Variants in SLC6A19 observed in about 807,000 individuals in gnomAD.
SLC6A19 encodes the protein solute carrier family 6 member 19, also known as sodium-dependent neutral amino acid transporter B(0)AT1.
A neutral mutation model predicts 68.3 loss-of-function variants in SLC6A19; 67 were observed. The ratio of observed to expected loss-of-function variants is 0.98; its 90% CI spans 0.81 to 1.20. SLC6A19 has a LOEUF of 1.20. Among genes scored for constraint, SLC6A19 ranks in the 50% most tolerant of loss-of-function variants. The pLI, the probability that SLC6A19 is intolerant of heterozygous loss-of-function variation, is 0.00. For missense variants in SLC6A19, 813 were observed against 851.6 expected (o/e 0.95, Z 0.56); for synonymous variants, 392 against 374.9 (o/e 1.05, Z -0.53).
At chr5:1,205,305 G>A (rs1745823248) in intron 1 of SLC6A19, among the ~76,000 whole-genome samples, 1 of 152,258 alleles carries the variant, frequency 6.6e-6, no homozygotes, top group African/African-American at 2.4e-5. Context: ...TTCATATTCT[G>A]GTGGCTTTAA....
intron 10 of SLC6A19, among the ~76,000 whole-genome samples, chr5:1,220,725 C>T (rs186631422): frequency 2.0e-5 from 3 of 152,270 alleles, no homozygotes; most frequent in East Asian, 1.9e-4. Flanking sequence ...AACTCCTTTG[C>T]GCAGAAGAGG....
At chr5:1,204,833 C>T (rs1397123376) in intron 1 of SLC6A19, among the ~76,000 whole-genome samples, 2 of 152,228 alleles carry the variant, frequency 1.3e-5, no homozygotes, top group Non-Finnish European at 2.9e-5. Context: ...GTCAGCTTTC[C>T]CCTTAGTCCA....
chr5:1,202,537 G>T (rs1302599060), intron 1 of SLC6A19, among the ~76,000 whole-genome samples: 1 of 152,226 alleles, frequency 6.6e-6, no homozygotes, highest in African/African-American at 2.4e-5. Flanking sequence ...CTGGCAGGGG[G>T]CTGTACCTAG....
At position 1,214,615 on chromosome 5, in the gene SLC6A19, G is replaced by C. The variant is rs1746153397; in HGVS notation, c.887+550G>C. On this transcript the variant is annotated intron_variant, in intron 6 of 11. Transcript: ENST00000304460. This position sits in a 1 kb window ranked among gnomAD's most constrained non-coding sequence, Gnocchi z 7.4. ...AAGCACCTACTATGTGCCCGACCTG[G>C]TGCATCAGGACCTGCCCTCAGTGAC... Among the ~76,000 whole-genome samples the C allele has an allele frequency of 6.6e-6, 1 of 152,148 alleles. No homozygotes were observed. Among genetic ancestry groups the C allele is most frequent in the Non-Finnish European group, 1.5e-5 (1 of 68,020 alleles).
chr5:1,220,292 C>A (rs1167429430), intron 10 of SLC6A19, among the ~76,000 whole-genome samples: 1 of 151,810 alleles, frequency 6.6e-6, no homozygotes, highest in Non-Finnish European at 1.5e-5. Flanking sequence ...TGCCTGTAAT[C>A]CCAGCTACTC....
rs754311464 is a variant in SLC6A19 at position 1,216,786 on chromosome 5, C to T, written c.1017-3C>T. On this transcript the variant is annotated splice_polypyrimidine_tract_variant and splice_region_variant and intron_variant, in intron 7 of 11. Transcript: ENST00000304460. ...TGGCCGTCAGCCTCAATCTGACCCG[C>T]AGGAACATCCTGACCCTCATCAACG... is the stretch of plus-strand genomic sequence containing the variant. 1.9e-6 allele frequency: 3 copies of T among 1,613,772 alleles called. No individual in the cohort carries two copies. In the Admixed American group the frequency reaches 5.0e-5, roughly 27 times the overall value.
At position 1,208,909 on chromosome 5, in the gene SLC6A19, A is replaced by T. The variant is rs369767035; in HGVS notation, c.343+23A>T. The T allele has an allele frequency of 6.3e-6, 10 of 1,598,868 alleles. No individual in the cohort carries two copies. The African/African-American group carries it at 8.0e-5, about 13-fold the overall frequency. On this transcript the variant is annotated intron_variant, in intron 2 of 11. Transcript: ENST00000304460. ...TAGGTGAGTGCCTCGGAGCAGTTCC[A>T]CCCGGGCCCAGGGGTCGCCTCTGCT...
chr5:1,208,925 C>T lies in SLC6A19; in HGVS notation c.343+39C>T, dbSNP rs750788916. On this transcript the variant is annotated intron_variant, in intron 2 of 11. Coordinates refer to ENST00000304460, the MANE Select transcript of SLC6A19 (RefSeq NM_001003841.3). ...AGCAGTTCCACCCGGGCCCAGGGGT[C>T]GCCTCTGCTGGGAAGCCGTTCCACC... 1.8e-5 allele frequency: 29 copies of T among 1,589,076 alleles called. No individual in the cohort carries two copies. In the African/African-American group the frequency reaches 2.3e-4, roughly 13 times the overall value.
In SLC6A19 at chr5:1,214,608, C is replaced by T. The variant is rs527681986; in HGVS notation, c.887+543C>T. Among the ~76,000 whole-genome samples, 73 of 152,216 alleles carry T rather than the reference C, an allele frequency of 4.8e-4. 1 individual carries two copies. Among genetic ancestry groups the T allele is most frequent in the Admixed American group, 2.4e-3 (36 of 15,298 alleles). ...ATTTATGAAGCACCTACTATGTGCC[C>T]GACCTGGTGCATCAGGACCTGCCCT... On this transcript the variant is annotated intron_variant, in intron 6 of 11. Transcript: ENST00000304460. The surrounding 1 kb of genome is among the most constrained non-coding windows in gnomAD (Gnocchi z 7.4).
chr5:1,222,090 A>G lies in SLC6A19; in HGVS notation c.*186A>G, dbSNP rs1746400947. On this transcript the variant is annotated 3_prime_UTR_variant, in exon 12 of 12. Transcript: ENST00000304460. ...ATGTATCGTGTGTGCATGTACATGC[A>G]TGGGCACTGTGTGAGTGTGCACGTG... 5.9e-6 allele frequency: 4 copies of G among 675,388 alleles called. No individual in the cohort carries two copies. The highest frequency in any genetic ancestry group is 5.4e-5 in the East Asian group (2 of 36,704). 41.8% of individuals were successfully genotyped at this position (675,388 alleles called of 1,614,324 possible). A position where few individuals can be genotyped will look rare whatever the true frequency, so the allele number is the denominator to read the frequency against.
rs1373912895 is a variant in SLC6A19 at position 1,209,328 on chromosome 5, G to A, written c.343+442G>A. On this transcript the variant is annotated intron_variant, in intron 2 of 11. Coordinates refer to ENST00000304460, the MANE Select transcript of SLC6A19 (RefSeq NM_001003841.3). This position sits in a 1 kb window ranked among gnomAD's most constrained non-coding sequence, Gnocchi z 5.5. ...GCTCTGGGGCCCAGGAGCAGACCCA[G>A]TGCAGCCTCACCAAGAGGACACGGC... Among the ~76,000 whole-genome samples, 1 of 152,202 alleles carries A rather than the reference G, an allele frequency of 6.6e-6. No individual in the cohort carries two copies. The highest frequency in any genetic ancestry group is 1.5e-5 in the Non-Finnish European group (1 of 68,034).
At chr5:1,207,444 C>T (rs949540505) in intron 1 of SLC6A19, among the ~76,000 whole-genome samples, 2 of 152,202 alleles carry the variant, frequency 1.3e-5, no homozygotes, top group Admixed American at 6.5e-5. Flanking sequence ...TGCTGGCTGC[C>T]GCTGAGCTCT....
intron 1 of SLC6A19, among the ~76,000 whole-genome samples, chr5:1,202,098 C>T (rs375461399): frequency 1.4e-4 from 21 of 152,304 alleles, no homozygotes; most frequent in African/African-American, 5.1e-4. Context: ...CCAGGGAGGG[C>T]CCTGTGTTCC....
intron 1 of SLC6A19, among the ~76,000 whole-genome samples, chr5:1,202,376 G>A (rs960840890): frequency 5.3e-5 from 8 of 152,254 alleles, no homozygotes; most frequent in East Asian, 1.9e-4. Flanking sequence ...CCTGGAGGCC[G>A]GGAGCCGCTG....
chr5:1,207,009 G>A (rs557760824), intron 1 of SLC6A19, among the ~76,000 whole-genome samples: 16 of 152,206 alleles, frequency 1.1e-4, no homozygotes, highest in South Asian at 2.1e-4. Context: ...TGGCCCTTCC[G>A]TCCAGCCTGG....
At chr5:1,203,631 A>G (rs1745774956) in intron 1 of SLC6A19, among the ~76,000 whole-genome samples, 1 of 152,192 alleles carries the variant, frequency 6.6e-6, no homozygotes, top group South Asian at 2.1e-4. Flanking sequence ...CTGGGCCCCC[A>G]TCAGCTGCGG....
chr5:1,221,746 T>C lies in SLC6A19; in HGVS notation c.1747T>C (p.Tyr583His), dbSNP rs1746388000. 1.5e-5 allele frequency: 25 copies of C among 1,613,962 alleles called. No individual in the cohort carries two copies. Among genetic ancestry groups the C allele is most frequent in the Non-Finnish European group, 1.9e-5 (23 of 1,179,950 alleles). ...GAAGATCTCCTACCCGAACTGGGTGTATGTGGTGGTGGTGATTGTGGCTGG... is the reference window on the plus strand; with the variant it reads ...GAAGATCTCCTACCCGAACTGGGTGCATGTGGTGGTGGTGATTGTGGCTGG... ...SQKISYPNWVYVVVVIVAGVP... is the reference protein window; with the variant it reads ...SQKISYPNWVHVVVVIVAGVP... The change falls in exon 12 of 12, where the codon TAT (tyrosine) becomes CAT (histidine). Residue 583 changes from tyrosine to histidine, a missense_variant. By Grantham distance (83) the Tyr-to-His change is moderately conservative. Transcript: ENST00000304460.
chr5:1,213,818 C>A, intron 5 of SLC6A19, 135 bp from the exon 6 acceptor site: 1 of 1,427,206 alleles, frequency 7.0e-7, no homozygotes. Context: ...GGCATAGCTG[C>A]CACCCCAGGG....
chr5:1,204,779 G>A (rs1467313979), intron 1 of SLC6A19, among the ~76,000 whole-genome samples: 1 of 152,254 alleles, frequency 6.6e-6, no homozygotes, highest in Non-Finnish European at 1.5e-5. Flanking sequence ...CAGCACAGCT[G>A]TTTCCAGCTG....
Sources: gnomAD v4.1 joint callset for allele counts (sites outside exome capture counted in the v4.1 genomes callset) on GRCh38, gnomAD v4.1.1 for gene constraint, Gnocchi (gnomAD v3.1) non-coding constraint, MANE v1.5 for transcripts, NCBI Gene and HGNC (gene_info 2026-07-23, HGNC 2026-07-21) for gene names.